SLC40A1: variants seen among roughly 807,000 people sequenced by gnomAD.
The protein encoded by SLC40A1 is ferroportin.
In SLC40A1, 16 loss-of-function variants were observed where a neutral mutation model predicts 53.5. The ratio of observed to expected loss-of-function variants is 0.30; its 90% CI spans 0.20 to 0.45. The LOEUF (loss-of-function observed/expected upper bound fraction) is 0.45. Among genes scored for constraint, SLC40A1 ranks in the 20% least tolerant of loss-of-function variants. SLC40A1 has a pLI of 1.00. For synonymous variants in SLC40A1, 247 were observed against 253.2 expected (o/e 0.98, Z 0.23); for missense variants, 545 against 695.4 (o/e 0.78, Z 2.43).
chr2:189,577,312 C>A (rs2031319042), intron 2 of SLC40A1, among the ~76,000 whole-genome samples: 1 of 152,164 alleles, frequency 6.6e-6, no homozygotes, highest in Admixed American at 6.6e-5. Flanking sequence ...AGCTCACATT[C>A]CAGTGAGCAC....
rs745913492 is a variant in SLC40A1, at chr2:189,575,344, T to C, written c.112-24A>G. The C allele has an allele frequency of 1.3e-5, 21 of 1,613,642 alleles. No individual in the cohort carries two copies. In the South Asian group the frequency reaches 1.9e-4, roughly 14 times the overall value. On this transcript the variant is annotated intron_variant, in intron 2 of 7. Coordinates refer to ENST00000261024, the MANE Select transcript of SLC40A1 (RefSeq NM_014585.6). Reference sequence around the variant, plus strand: ...CCCTTAAATGAAAAGAGAAAATGTTTTGATGGAATATTTTTCGTTTCTAGT... The same window carrying C: ...CCCTTAAATGAAAAGAGAAAATGTTCTGATGGAATATTTTTCGTTTCTAGT...
intron 2 of SLC40A1, 119 bp downstream of exon 2, chr2:189,579,694 G>T: frequency 3.4e-6 from 3 of 874,634 alleles, no homozygotes; most frequent in South Asian, 1.4e-5. Flanking sequence ...ATGTGTACTT[G>T]GATGATTTAT....
chr2:189,575,681 T>C (rs1298819286), intron 2 of SLC40A1, among the ~76,000 whole-genome samples: 1 of 152,226 alleles, frequency 6.6e-6, no homozygotes, highest in Non-Finnish European at 1.5e-5. Context: ...CCTATCTTGA[T>C]TGCAGAGGCA....
At chr2:189,564,262 A>G in intron 6 of SLC40A1, 37 bp from the exon 7 acceptor site, 2 of 1,595,890 alleles carry the variant, frequency 1.3e-6, no homozygotes, top group Non-Finnish European at 1.7e-6. Flanking sequence ...GTTGGGGAGG[A>G]CATGTAGAAA....
chr2:189,570,030 ATG>A (rs1334623667), intron 5 of SLC40A1, among the ~76,000 whole-genome samples: 27 of 138,848 alleles, frequency 1.9e-4, no homozygotes, highest in South Asian at 1.8e-3. Context: ...CTATATATGT[ATG>A]TATATATATA....
intron 1 of SLC40A1, 138 bp downstream of exon 1, chr2:189,580,280 C>A (rs1238885857): frequency 1.0e-6 from 1 of 965,640 alleles, no homozygotes; most frequent in Admixed American, 1.9e-5. Flanking sequence ...TTAACGTCCA[C>A]CAAATATGAG....
rs1341191524 is a variant in SLC40A1, at chr2:189,571,861, A to T, written c.388-20T>A. On this transcript the variant is annotated intron_variant, in intron 4 of 7. Coordinates refer to ENST00000261024, the MANE Select transcript of SLC40A1 (RefSeq NM_014585.6). Reference sequence around the variant, plus strand: ...GGAAGTCTAAAGAATGACAAGAAAAAAATGAGTTATAATGTCAGTTTACCA... The same window carrying T: ...GGAAGTCTAAAGAATGACAAGAAAATAATGAGTTATAATGTCAGTTTACCA... 1 of 1,518,036 alleles carries T rather than the reference A, an allele frequency of 6.6e-7. No individual in the cohort carries two copies. Among genetic ancestry groups the T allele is most frequent in the African/African-American group, 1.4e-5 (1 of 72,874 alleles). The allele number at this position is 1,518,036 out of a possible 1,614,324, so 94.0% of individuals were successfully genotyped here. A position where few individuals can be genotyped will look rare whatever the true frequency, so the allele number is the denominator to read the frequency against.
intron 3 of SLC40A1, among the ~76,000 whole-genome samples, chr2:189,573,880 A>C (rs1308182746): frequency 1.3e-5 from 2 of 152,226 alleles, no homozygotes; most frequent in African/African-American, 4.8e-5. Context: ...AAATCCCAAC[A>C]TATTCATTCA....
Position 189,564,222 on chromosome 2 carries a change from G to C in SLC40A1, c.764C>G (p.Thr255Ser). 6.2e-7 allele frequency: 1 copy of C among 1,613,674 alleles called. No homozygotes were observed. Among genetic ancestry groups the C allele is most frequent in the Non-Finnish European group, 8.5e-7 (1 of 1,179,580 alleles). ...ELKQLNLHKD[T>S]EPKPLEGTHL... ...AGTTCCCTCCAGGGGTTTTGGCTCA[G>C]TATCTGTTAAGAAAAGATACCATTA... The change falls in exon 7 of 8, where the codon ACT (threonine) becomes AGT (serine). Residue 255 changes from threonine to serine, a missense_variant. Coordinates refer to ENST00000261024, the MANE Select transcript of SLC40A1 (RefSeq NM_014585.6).
intron 3 of SLC40A1, among the ~76,000 whole-genome samples, chr2:189,573,997 C>T (rs562029907): frequency 9.0e-4 from 137 of 152,230 alleles, no homozygotes; most frequent in African/African-American, 3.2e-3. Context: ...GTGAACAGAT[C>T]ATTATATCTG....
intron 1 of SLC40A1, 35 bp downstream of exon 1, chr2:189,580,383 G>A (rs2105637127): frequency 6.2e-7 from 1 of 1,610,966 alleles, no homozygotes; most frequent in Non-Finnish European, 8.5e-7. Flanking sequence ...CCCCACCTGG[G>A]TTTCCACCAT....
At position 189,560,999 on chromosome 2, in the gene SLC40A1, G is replaced by A. The variant is rs147807428; in HGVS notation, c.*879C>T. On this transcript the variant is annotated 3_prime_UTR_variant, in exon 8 of 8. Coordinates refer to ENST00000261024, the MANE Select transcript of SLC40A1 (RefSeq NM_014585.6). The stretch of plus-strand genomic sequence containing the variant: ...TTTGTAAAACAAAACCTTCACAAGT[G>A]TGGGCTTTCTACATGTAACTTGCCA... The A allele has an allele frequency of 5.2e-4, 79 of 152,320 alleles. No homozygotes were observed. The highest frequency in any genetic ancestry group is 1.8e-3 in the African/African-American group (76 of 41,568). 9.4% of individuals were successfully genotyped at this position (152,320 alleles called of 1,614,324 possible).
At position 189,580,733 on chromosome 2, in the gene SLC40A1, T is replaced by A; in HGVS notation, c.-273A>T. 2.9e-6 allele frequency: 4 copies of A among 1,363,500 alleles called. No homozygotes were observed. The highest frequency in any genetic ancestry group is 2.8e-6 in the Non-Finnish European group (3 of 1,056,582). 84.5% of individuals were successfully genotyped at this position (1,363,500 alleles called of 1,614,324 possible). ...GAAGCGGTTTGGGAGGCTCAGCAGGTCGTCCGAGCCTAGCGGACGCCCTGA... is the reference window on the plus strand; with the variant it reads ...GAAGCGGTTTGGGAGGCTCAGCAGGACGTCCGAGCCTAGCGGACGCCCTGA... On this transcript the variant is annotated 5_prime_UTR_variant, in exon 1 of 8. Transcript: ENST00000261024.
rs965986872 is a variant in SLC40A1 at position 189,580,756 on chromosome 2, T to C, written c.-296A>G. On this transcript the variant is annotated 5_prime_UTR_variant, in exon 1 of 8. Coordinates refer to ENST00000261024, the MANE Select transcript of SLC40A1 (RefSeq NM_014585.6). ...GGTCGTCCGAGCCTAGCGGACGCCC[T>C]GAGCCAGCTCTCTCCGCCGCCGCCG... 9 of 1,322,166 alleles carry C rather than the reference T, an allele frequency of 6.8e-6. No homozygotes were observed. Among genetic ancestry groups the C allele is most frequent in the African/African-American group, 4.6e-5 (3 of 65,630 alleles). 81.9% of individuals were successfully genotyped at this position (1,322,166 alleles called of 1,614,324 possible). A position where few individuals can be genotyped will look rare whatever the true frequency, so the allele number is the denominator to read the frequency against.
Position 189,565,571 on chromosome 2 carries a change from G to A in SLC40A1, c.543C>T (p.Asp181=). ...TGGGGGCTAAGATGTTGGTTAACTG[G>A]TCAATCCTTCGTATTGTGGCATTCA... is the stretch of plus-strand genomic sequence containing the variant. The part of the protein sequence containing the change: ...ANMNATIRRI[D]QLTNILAPMA... Residue 181 remains aspartate, a synonymous_variant, in exon 6 of 8, where the codon GAC becomes GAT. Transcript: ENST00000261024. 6.2e-7 allele frequency: 1 copy of A among 1,614,212 alleles called. No homozygotes were observed. Among genetic ancestry groups the A allele is most frequent in the Non-Finnish European group, 8.5e-7 (1 of 1,180,030 alleles).
chr2:189,565,529 A>G lies in SLC40A1; in HGVS notation c.585T>C (p.Ile195=), dbSNP rs770535211. The stretch of plus-strand genomic sequence containing the variant: ...CGATGACTGGGGAGCCAAATGTCAT[A>G]ATCTGGCCAACAGCCATGGGGGCTA... ...NILAPMAVGQ[I]MTFGSPVIGC... is the part of the protein sequence containing the mutation. The change falls in exon 6 of 8, where the codon ATT becomes ATC. Residue 195 remains isoleucine, a synonymous_variant. Transcript: ENST00000261024. 4.0e-5 allele frequency: 65 copies of G among 1,614,082 alleles called. No homozygotes were observed. The East Asian group carries it at 1.4e-3, about 35-fold the overall frequency.
intron 5 of SLC40A1, among the ~76,000 whole-genome samples, chr2:189,571,149 C>T (rs769327976): frequency 3.3e-5 from 5 of 152,092 alleles, no homozygotes; most frequent in Non-Finnish European, 7.4e-5. Flanking sequence ...CAATGAACAA[C>T]TAAGATGGTA....
chr2:189,568,357 C>T (rs2031004021), intron 5 of SLC40A1, among the ~76,000 whole-genome samples: 1 of 151,994 alleles, frequency 6.6e-6, no homozygotes, highest in African/African-American at 2.4e-5. Flanking sequence ...GGCATGGTGG[C>T]GGGCGCCTGT....
intron 2 of SLC40A1, 35 bp downstream of exon 2, chr2:189,579,778 G>GC: frequency 6.4e-7 from 1 of 1,573,294 alleles, no homozygotes; most frequent in Non-Finnish European, 8.7e-7. Context: ...AAAAAATTGC[G>GC]CAACTGTGTT....
Sources: allele counts gnomAD v4.1 joint callset (sites outside exome capture counted in the v4.1 genomes callset), GRCh38; gene constraint gnomAD v4.1.1; transcripts MANE v1.5; gene names NCBI Gene and HGNC (gene_info 2026-07-23, HGNC 2026-07-21).